Variants in TEX14 observed in about 807,000 individuals in gnomAD.
TEX14 encodes the protein testis expressed 14, intercellular bridge forming factor.
Under a neutral mutation model 178.6 loss-of-function variants are expected in TEX14, and 168 were observed. The ratio of observed to expected loss-of-function variants is 0.94; its 90% CI spans 0.83 to 1.07. The LOEUF is 1.07. TEX14 is among the 50% of genes least tolerant of loss of function. The pLI is 0.00. For missense variants in TEX14, 1,730 were observed against 1,753.6 expected, an observed-to-expected ratio of 0.99 and a Z score of 0.24; for synonymous variants, 626 against 634.1, an observed-to-expected ratio of 0.99 and a Z score of 0.19.
intron 1 of TEX14, among the ~76,000 whole-genome samples, chr17:58,676,258 C>T (rs1262250365): frequency 2.0e-5 from 3 of 152,090 alleles, no homozygotes; most frequent in Non-Finnish European, 4.4e-5. Context: ...TGCCTGTAAT[C>T]CCAGCTACTC....
chr17:58,595,492 G>A (rs544173319), intron 14 of TEX14, among the ~76,000 whole-genome samples: 1 of 152,224 alleles, frequency 6.6e-6, no homozygotes, highest in African/African-American at 2.4e-5. Flanking sequence ...AGCAGCGAAA[G>A]TGATACAATC....
intron 25 of TEX14, among the ~76,000 whole-genome samples, chr17:58,570,167 CAA>C (rs11289066): frequency 2.7e-5 from 4 of 149,574 alleles, no homozygotes; most frequent in African/African-American, 2.5e-5. Flanking sequence ...AAAAGATATG[CAA>C]AAAAAAAAGT....
intron 14 of TEX14, among the ~76,000 whole-genome samples, chr17:58,596,400 G>C (rs1019542728): frequency 2.0e-5 from 3 of 152,012 alleles, no homozygotes; most frequent in Middle Eastern, 3.4e-3. Flanking sequence ...TCCCACTTCA[G>C]CCTCCCAAGT....
intron 1 of TEX14, among the ~76,000 whole-genome samples, chr17:58,682,262 C>CTTT (rs36042986): frequency 7.0e-6 from 1 of 141,968 alleles, no homozygotes; most frequent in Non-Finnish European, 1.5e-5. Context: ...CAGAGTCTTT[C>CTTT]TTTTTTTTTT....
At chr17:58,663,783 C>T (rs931919574) in intron 1 of TEX14, among the ~76,000 whole-genome samples, 4 of 152,124 alleles carry the variant, frequency 2.6e-5, no homozygotes, top group Non-Finnish European at 5.9e-5. Context: ...ATGTCTTACT[C>T]AACACCCTGA....
chr17:58,625,099 T>G (rs1171736400), intron 3 of TEX14, among the ~76,000 whole-genome samples: 1 of 151,966 alleles, frequency 6.6e-6, no homozygotes, highest in African/African-American at 2.4e-5. Context: ...CTTTGTATAA[T>G]GTCTTACCAT....
At position 58,599,132 on chromosome 17, in the gene TEX14, T is replaced by C. The variant is rs562429249; in HGVS notation, c.2213A>G (p.Gln738Arg). The C allele has an allele frequency of 3.4e-5, 55 of 1,614,190 alleles. No individual in the cohort carries two copies. In the Admixed American group the frequency reaches 9.0e-4, roughly 26 times the overall value. The part of the protein sequence containing the change: ...SKCVLDLKIM[Q>R]TIMHENDDRL... ...ATCATCATTCTCGTGCATTATTGTC[T>C]GCATAATCTTTAGATCCAGCACACA... Residue 738 changes from glutamine to arginine, a missense_variant, in exon 14 of 32, where the codon CAG becomes CGG. Transcript: ENST00000349033.
chr17:58,660,494 G>C (rs1443095660), intron 1 of TEX14: 25 of 699,416 alleles, frequency 3.6e-5, no homozygotes, highest in Non-Finnish European at 6.0e-5. Context: ...ACAGCTGTAG[G>C]GGAGCTCAGG....
At chr17:58,567,995 C>A (rs1057505591) in intron 26 of TEX14, 3 of 152,280 alleles carry the variant, frequency 2.0e-5, no homozygotes, top group Non-Finnish European at 4.4e-5. Flanking sequence ...TGCCTTAAAT[C>A]ATGACCGAGG....
chr17:58,565,640 G>A (rs1023980001), intron 27 of TEX14, 107 bp downstream of exon 27: 44 of 717,808 alleles, frequency 6.1e-5, no homozygotes, highest in Middle Eastern at 4.8e-4. Context: ...CAGACTTGAG[G>A]TGGAGTTGTG....
intron 1 of TEX14, among the ~76,000 whole-genome samples, chr17:58,679,115 T>C (rs1175619385): frequency 2.0e-5 from 3 of 152,008 alleles, no homozygotes; most frequent in South Asian, 4.2e-4. Flanking sequence ...GATTGCGCCA[T>C]TGTACTCCAG....
rs147546479 is a variant in TEX14 at position 58,615,084 on chromosome 17, G to C, written c.881+148C>G. 1.7e-4 allele frequency: 95 copies of C among 559,888 alleles called. 1 individual carries two copies. The East Asian group carries it at 3.0e-3, about 18-fold the overall frequency. The allele number at this position is 559,888 out of a possible 1,614,324, so 34.7% of individuals were successfully genotyped here. A position where few individuals can be genotyped will look rare whatever the true frequency, so the allele number is the denominator to read the frequency against. ...TCTTCCTCTTTCCTGGCAGCCCTTC[G>C]AAGTCAAGTCAATCAATTTCAACAG... On this transcript the variant is annotated intron_variant, in intron 8 of 31. Coordinates refer to ENST00000349033, the MANE Select transcript of TEX14 (RefSeq NM_031272.5).
intron 27 of TEX14, 55 bp from the exon 28 acceptor site, chr17:58,565,023 C>T (rs747530553): frequency 1.1e-5 from 14 of 1,230,392 alleles, no homozygotes; most frequent in African/African-American, 3.1e-5. Context: ...ATTGAGAAAG[C>T]TTGCCTTAAA....
intron 1 of TEX14, among the ~76,000 whole-genome samples, chr17:58,664,961 T>C (rs530249464): frequency 7.7e-4 from 117 of 151,970 alleles, no homozygotes; most frequent in Admixed American, 2.4e-3. Context: ...TCCAGGTAGA[T>C]GAAGAAGGGC....
rs2044470914 is a variant in TEX14, at chr17:58,569,316, C to A, written c.3818-56G>T. ...GTCTTAACACCCTCCTGGACCTGAACTGAATTTTTCTCGGCTCTCACATAG... is the reference window on the plus strand; with the variant it reads ...GTCTTAACACCCTCCTGGACCTGAAATGAATTTTTCTCGGCTCTCACATAG... On this transcript the variant is annotated intron_variant, in intron 25 of 31. Coordinates refer to ENST00000349033, the MANE Select transcript of TEX14 (RefSeq NM_031272.5). The surrounding 1 kb of genome is among the most constrained non-coding windows in gnomAD (Gnocchi z 4.1). 4 of 1,403,186 alleles carry A rather than the reference C, an allele frequency of 2.9e-6. No homozygotes were observed. In the East Asian group the frequency reaches 6.9e-5, roughly 24 times the overall value. The allele number at this position is 1,403,186 out of a possible 1,614,324, so 86.9% of individuals were successfully genotyped here.
intron 3 of TEX14, among the ~76,000 whole-genome samples, chr17:58,629,388 AG>A (rs2046225851): frequency 1.3e-5 from 2 of 148,670 alleles, no homozygotes; most frequent in South Asian, 4.3e-4. Flanking sequence ...CGGGTGGCAG[AG>A]GCTGCAGTGA....
chr17:58,626,267 T>C (rs1212136832), intron 3 of TEX14, among the ~76,000 whole-genome samples: 2 of 152,052 alleles, frequency 1.3e-5, no homozygotes, highest in Non-Finnish European at 2.9e-5. Context: ...ACTGAGCGTA[T>C]AGGAATAAAG....
intron 1 of TEX14, among the ~76,000 whole-genome samples, chr17:58,683,933 T>C (rs1457939264): frequency 2.8e-5 from 4 of 144,240 alleles, no homozygotes; most frequent in East Asian, 2.1e-4. Context: ...GGCGTGGTGG[T>C]GCATCCCTGT....
intron 10 of TEX14, among the ~76,000 whole-genome samples, chr17:58,608,100 T>C (rs1455779267): frequency 6.7e-6 from 1 of 150,168 alleles, no homozygotes; most frequent in East Asian, 2.0e-4. Flanking sequence ...CTGGGCAACA[T>C]GGCGTGACCT....
Sources: allele counts gnomAD v4.1 joint callset (sites outside exome capture counted in the v4.1 genomes callset), GRCh38; gene constraint gnomAD v4.1.1; non-coding constraint Gnocchi (gnomAD v3.1); transcripts MANE v1.5; gene names NCBI Gene and HGNC (gene_info 2026-07-23, HGNC 2026-07-21).